Variants in GTF3C1 observed in about 807,000 individuals in gnomAD.
The protein encoded by GTF3C1 is general transcription factor 3C polypeptide 1.
Under a neutral mutation model 226.7 loss-of-function variants are expected in GTF3C1, and 57 were observed. The observed-to-expected ratio is 0.25, with a 90% CI of 0.20 to 0.31. The LOEUF is 0.31. Among genes scored for constraint, GTF3C1 ranks in the 10% least tolerant of loss-of-function variants. The probability of loss-of-function intolerance (pLI) is 1.00; values close to 1 mark genes in which losing one functional copy is unlikely to be tolerated. For synonymous variants in GTF3C1, 1,090 were observed against 1,084.8 expected (o/e 1.00, Z -0.09); for missense variants, 2,217 against 2,776.1 (o/e 0.80, Z 4.53).
intron 5 of GTF3C1, among the ~76,000 whole-genome samples, chr16:27,531,444 C>T (rs2088916076): frequency 6.6e-6 from 1 of 152,216 alleles, no homozygotes; most frequent in Non-Finnish European, 1.5e-5. Flanking sequence ...TGAGGCTTTC[C>T]CCAGTTCTCT....
intron 7 of GTF3C1, 58 bp downstream of exon 7, chr16:27,511,691 G>T (rs1596644463): frequency 1.3e-6 from 2 of 1,569,896 alleles, no homozygotes; most frequent in Admixed American, 3.4e-5. Context: ...TGGGCAAAGC[G>T]CTTCTTGACT....
chr16:27,541,925 A>G (rs1428840594), intron 2 of GTF3C1, among the ~76,000 whole-genome samples: 2 of 152,228 alleles, frequency 1.3e-5, no homozygotes, highest in African/African-American at 4.8e-5. Flanking sequence ...TCTGGCCTAT[A>G]TCACCCTGTA....
intron 14 of GTF3C1, among the ~76,000 whole-genome samples, chr16:27,497,032 G>A (rs1006906624): frequency 3.3e-5 from 5 of 152,196 alleles, no homozygotes; most frequent in African/African-American, 1.2e-4. Flanking sequence ...GGAATCCCTG[G>A]GTCTAGTGTG....
chr16:27,469,985 A>G lies in GTF3C1; in HGVS notation c.4814+123T>C, dbSNP rs2087843713. On this transcript the variant is annotated intron_variant, in intron 31 of 36. Transcript: ENST00000356183. This position sits in a 1 kb window ranked among gnomAD's most constrained non-coding sequence, Gnocchi z 4.5. Reference sequence around the variant, plus strand: ...CCTTAGACACCGGCCTATAATCCCCAGTCACTCATCTGCAACTCCCATCCC... The same window carrying G: ...CCTTAGACACCGGCCTATAATCCCCGGTCACTCATCTGCAACTCCCATCCC... 1 of 774,520 alleles carries G rather than the reference A, an allele frequency of 1.3e-6. No individual in the cohort carries two copies. 48.0% of individuals were successfully genotyped at this position (774,520 alleles called of 1,614,324 possible). A position where few individuals can be genotyped will look rare whatever the true frequency, so the allele number is the denominator to read the frequency against.
At chr16:27,529,900 T>C (rs547606921) in intron 5 of GTF3C1, among the ~76,000 whole-genome samples, 10 of 152,356 alleles carry the variant, frequency 6.6e-5, no homozygotes, top group African/African-American at 2.4e-4. Context: ...TTTTCTCTAA[T>C]GGTAGTTAAG....
chr16:27,508,720 C>G (rs566907385), intron 7 of GTF3C1, 65 bp from the exon 8 acceptor site: 11 of 1,170,664 alleles, frequency 9.4e-6, no homozygotes, highest in Non-Finnish European at 5.0e-6. Context: ...AAGTCAGTTT[C>G]CAGCCCACTT....
chr16:27,546,606 G>T (rs916720574), intron 1 of GTF3C1, among the ~76,000 whole-genome samples: 6 of 151,442 alleles, frequency 4.0e-5, no homozygotes, highest in Admixed American at 1.3e-4. Context: ...CTTGCAAAGT[G>T]CTAGGATTAC....
In GTF3C1 at chr16:27,494,801, G is replaced by A. The variant is rs2088290197; in HGVS notation, c.2740C>T (p.Leu914Phe). 1.9e-6 allele frequency: 3 copies of A among 1,612,706 alleles called. No homozygotes were observed. In the Admixed American group the frequency reaches 5.0e-5, roughly 27 times the overall value. Residue 914 changes from leucine (L) to phenylalanine (F), a missense_variant, in exon 16 of 37, where the codon CTC becomes TTC. Around this residue, in one of 12 missense-constraint regions of GTF3C1, gnomAD observed 353 missense variants for 411.7 expected, o/e 0.86. Coordinates refer to ENST00000356183, the MANE Select transcript of GTF3C1 (RefSeq NM_001520.4). The part of the protein sequence containing the change: ...LVSDILLCLP[L>F]SIFIQIVQVS... ...TGCACAATCTGGATGAAGATGGAGA[G>A]GGGAAGGCAGAGGAGGATGTCGCTG...
At chr16:27,488,690 C>T (rs1275254756) in intron 21 of GTF3C1, 55 bp from the exon 22 acceptor site, 13 of 1,423,846 alleles carry the variant, frequency 9.1e-6, no homozygotes, top group South Asian at 3.5e-5. Flanking sequence ...AATCCCCAGC[C>T]GCCCAGAGTA....
In GTF3C1 at chr16:27,467,500, T is replaced by G. The variant is rs565511009; in HGVS notation, c.5074+1791A>C. Among the ~76,000 whole-genome samples the G allele has an allele frequency of 2.6e-5, 4 of 152,368 alleles. No individual in the cohort carries two copies. The South Asian group carries it at 8.3e-4, about 32-fold the overall frequency. On this transcript the variant is annotated intron_variant, in intron 32 of 36. Coordinates refer to ENST00000356183, the MANE Select transcript of GTF3C1 (RefSeq NM_001520.4). ...TTCAAGGAGATGAATGTTGTTTTCA[T>G]GCCTGCTAACACAACATCCATTCTG...
intron 6 of GTF3C1, among the ~76,000 whole-genome samples, chr16:27,520,939 G>A (rs1214221907): frequency 6.6e-6 from 1 of 152,162 alleles, no homozygotes; most frequent in African/African-American, 2.4e-5. Context: ...GGCTGATCTT[G>A]AACTCCTGAC....
chr16:27,488,807 G>A (rs1259657664), intron 21 of GTF3C1, among the ~76,000 whole-genome samples, 172 bp from the exon 22 acceptor site: 1 of 152,188 alleles, frequency 6.6e-6, no homozygotes, highest in Non-Finnish European at 1.5e-5. Flanking sequence ...ACTCCCTCCT[G>A]GAGGACCTGT....
chr16:27,464,897 G>T, intron 33 of GTF3C1, 61 bp from the exon 34 acceptor site: 1 of 1,366,606 alleles, frequency 7.3e-7, no homozygotes, highest in Non-Finnish European at 9.7e-7. Flanking sequence ...CGCTGGTGAC[G>T]GGGGACGAGT....
intron 27 of GTF3C1, among the ~76,000 whole-genome samples, chr16:27,480,035 C>T (rs1170668832): frequency 1.3e-5 from 2 of 151,840 alleles, no homozygotes; most frequent in East Asian, 1.9e-4. Context: ...CCCGTCTCTA[C>T]TAAAAATACA....
At chr16:27,488,491 T>C in intron 22 of GTF3C1, 63 bp downstream of exon 22, 1 of 1,545,140 alleles carries the variant, frequency 6.5e-7, no homozygotes, top group Non-Finnish European at 8.9e-7. Context: ...GAACATAGGG[T>C]AGTCGTTTAG....
chr16:27,465,694 CCCCTGG>C (rs1366818007), intron 32 of GTF3C1, 154 bp from the exon 33 acceptor site: 11 of 628,752 alleles, frequency 1.7e-5, no homozygotes, highest in Non-Finnish European at 3.0e-5. Flanking sequence ...ACACACTGGG[CCCCTGG>C]CAGTCAGGCT....
At chr16:27,546,235 C>T (rs552661531) in intron 1 of GTF3C1, among the ~76,000 whole-genome samples, 7 of 152,186 alleles carry the variant, frequency 4.6e-5, no homozygotes, top group East Asian at 3.9e-4. Context: ...TTTGCATTAC[C>T]GCCTGCATGT....
At chr16:27,516,115 T>C (rs1001328120) in intron 6 of GTF3C1, among the ~76,000 whole-genome samples, 1 of 152,204 alleles carries the variant, frequency 6.6e-6, no homozygotes, top group African/African-American at 2.4e-5. Flanking sequence ...CAAACATCAG[T>C]GGCATTCAAG....
At position 27,462,102 on chromosome 16, in the gene GTF3C1, T is replaced by C. The variant is rs116226292; in HGVS notation, c.6117+192A>G. 1,393 of 586,996 alleles carry C rather than the reference T, an allele frequency of 2.4e-3. 17 individuals carry two copies. The highest frequency in any genetic ancestry group is 0.023 in the African/African-American group (1,247 of 53,730). 36.4% of individuals were successfully genotyped at this position (586,996 alleles called of 1,614,324 possible). On this transcript the variant is annotated intron_variant, in intron 36 of 36. Coordinates refer to ENST00000356183, the MANE Select transcript of GTF3C1 (RefSeq NM_001520.4). The surrounding 1 kb of genome is among the most constrained non-coding windows in gnomAD (Gnocchi z 4.5). Reference sequence around the variant, plus strand: ...CCGGGCACCCCATCTTCCAGCCTGGTCAGCAGCATGGAGCTGGTGAAGGAC... The same window carrying C: ...CCGGGCACCCCATCTTCCAGCCTGGCCAGCAGCATGGAGCTGGTGAAGGAC...
Sources: gnomAD v4.1 joint callset for allele counts (sites outside exome capture counted in the v4.1 genomes callset) on GRCh38, gnomAD v4.1.1 for gene constraint, gnomAD v4.1.1 regional missense constraint, Gnocchi (gnomAD v3.1) non-coding constraint, MANE v1.5 for transcripts, NCBI Gene and HGNC (gene_info 2026-07-23, HGNC 2026-07-21) for gene names.